SVEP1: variants seen among roughly 807,000 people sequenced by gnomAD.
SVEP1 encodes the protein sushi, von Willebrand factor type A, EGF and pentraxin domain containing 1.
SVEP1 carries 164 observed loss-of-function variants against 367.3 expected under a neutral mutation model. The ratio of observed to expected loss-of-function variants is 0.45; its 90% CI spans 0.39 to 0.51. SVEP1 has a LOEUF of 0.51. SVEP1 is among the 20% of genes least tolerant of loss of function. SVEP1 has a pLI of 0.00. For missense variants in SVEP1, 4,117 were observed against 4,425.3 expected (o/e 0.93, Z 1.98); for synonymous variants, 1,666 against 1,611.6 (o/e 1.03, Z -0.81).
At chr9:110,469,169 C>T in intron 16 of SVEP1, 68 bp from the exon 17 acceptor site, 1 of 1,466,204 alleles carries the variant, frequency 6.8e-7, no homozygotes, top group South Asian at 1.4e-5. Flanking sequence ...CTTTTTTTTC[C>T]TAAGACATGA....
Position 110,459,025 on chromosome 9 carries a change from C to G in SVEP1, c.3411G>C (p.Lys1137Asn), listed in dbSNP as rs770776076. The change falls in exon 19 of 48, where the codon AAG becomes AAC. Residue 1137 changes from lysine to asparagine, a missense_variant. Transcript: ENST00000374469. Reference sequence around the variant, plus strand: ...AAAAGGGACAGGCCAGGCAGAAGGCCTTCCCTGCATTAGGTTGGTAATAGT... The same window carrying G: ...AAAAGGGACAGGCCAGGCAGAAGGCGTTCCCTGCATTAGGTTGGTAATAGT... ...PRDYYQPNAG[K>N]AFCLACPFYG... 1.9e-6 allele frequency: 3 copies of G among 1,613,862 alleles called. No homozygotes were observed. The highest frequency in any genetic ancestry group is 4.5e-5 in the East Asian group (2 of 44,876).
chr9:110,393,983 C>T lies in SVEP1; in HGVS notation c.9823-4396G>A, dbSNP rs1053893651. ...CAGTAACTCTGAAGACTTAAATGTC[C>T]CTGTCTGACAGCTTTGAAGAGAATA... On this transcript the variant is annotated intron_variant, in intron 40 of 47. Coordinates refer to ENST00000374469, the MANE Select transcript of SVEP1 (RefSeq NM_153366.4). Among the ~76,000 whole-genome samples the T allele has an allele frequency of 5.3e-5, 8 of 152,302 alleles. No homozygotes were observed. The East Asian group carries it at 1.6e-3, about 30-fold the overall frequency.
In SVEP1 at chr9:110,476,187, C is replaced by G; in HGVS notation, c.2599+17G>C. 6.6e-7 allele frequency: 1 copy of G among 1,524,522 alleles called. No individual in the cohort carries two copies. Among genetic ancestry groups the G allele is most frequent in the Non-Finnish European group, 9.1e-7 (1 of 1,100,200 alleles). The allele number at this position is 1,524,522 out of a possible 1,614,324, so 94.4% of individuals were successfully genotyped here. A position where few individuals can be genotyped will look rare whatever the true frequency, so the allele number is the denominator to read the frequency against. On this transcript the variant is annotated intron_variant, in intron 14 of 47. Transcript: ENST00000374469. ...AGATTAGTCTTGCCAACTACCGATG[C>G]CACAGAATTTAATTACCAATTGCAA...
chr9:110,527,227 G>A (rs1829950371), intron 3 of SVEP1, among the ~76,000 whole-genome samples: 1 of 151,836 alleles, frequency 6.6e-6, no homozygotes, highest in Non-Finnish European at 1.5e-5. Context: ...AGGATATAGA[G>A]GATCTCTGTA....
chr9:110,375,481 A>AAAG lies in SVEP1; in HGVS notation c.10505-19_10505-18insCTT. On this transcript the variant is annotated intron_variant, in intron 45 of 47. Coordinates refer to ENST00000374469, the MANE Select transcript of SVEP1 (RefSeq NM_153366.4). ...GCAGATTGCTAAAAAAAAAAAAAAAAAAAAAAAAAGGAGGCAGGGGGGATT... is the reference window on the plus strand; with the variant it reads ...GCAGATTGCTAAAAAAAAAAAAAAAAAAGAAAAAAAAAGGAGGCAGGGGGGATT... 6.6e-7 allele frequency: 1 copy of AAAG among 1,515,720 alleles called. No homozygotes were observed. The highest frequency in any genetic ancestry group is 1.3e-5 in the South Asian group (1 of 79,012). 93.9% of individuals were successfully genotyped at this position (1,515,720 alleles called of 1,614,324 possible).
At chr9:110,387,874 A>ATAAATAACAAATACATT (rs1827550397) in intron 41 of SVEP1, among the ~76,000 whole-genome samples, 1 of 152,250 alleles carries the variant, frequency 6.6e-6, no homozygotes, top group South Asian at 2.1e-4. Context: ...TCAGTATCAG[A>ATAAATAACAAATACATT]TAAATAACAA....
intron 9 of SVEP1, among the ~76,000 whole-genome samples, chr9:110,485,359 A>C (rs772304903): frequency 1.4e-4 from 21 of 152,178 alleles, no homozygotes; most frequent in Non-Finnish European, 2.6e-4. Flanking sequence ...GTATGTTCTC[A>C]CTTATAAGTG....
intron 3 of SVEP1, among the ~76,000 whole-genome samples, chr9:110,535,335 G>A (rs1271414965): frequency 6.6e-6 from 1 of 152,066 alleles, no homozygotes; most frequent in Non-Finnish European, 1.5e-5. Context: ...GTAGGTGTGT[G>A]ACCTTATTTC....
intron 1 of SVEP1, among the ~76,000 whole-genome samples, chr9:110,558,236 G>A (rs1373085945): frequency 1.3e-5 from 2 of 150,406 alleles, no homozygotes; most frequent in Admixed American, 1.3e-4. Flanking sequence ...GCCCGGTGCT[G>A]TGGCTCACAC....
In SVEP1 at chr9:110,512,982, C is replaced by T; in HGVS notation, c.1247G>A (p.Ser416Asn). The change falls in exon 5 of 48, where the codon AGC (serine) becomes AAC (asparagine). Residue 416 changes from serine (S) to asparagine (N), a missense_variant. Ser to Asn is a conservative substitution (Grantham distance 46). This residue lies in a region of SVEP1 where 2,174 missense variants were observed against 2,494.3 expected (regional missense o/e 0.87). Transcript: ENST00000374469. ...ACCATTGGGTAGACATAAGATGATG[C>T]TGCTTCCCACAAGATCAAATCCAGG... Reference protein sequence around the residue: ...CHPGFDLVGSSIILCLPNGLW... With the variant: ...CHPGFDLVGSNIILCLPNGLW... 1 of 1,614,006 alleles carries T rather than the reference C, an allele frequency of 6.2e-7. No homozygotes were observed. Among genetic ancestry groups the T allele is most frequent in the South Asian group, 1.1e-5 (1 of 91,084 alleles).
chr9:110,378,883 T>C (rs1238548439), intron 44 of SVEP1, among the ~76,000 whole-genome samples: 1 of 150,558 alleles, frequency 6.6e-6, no homozygotes, highest in Non-Finnish European at 1.5e-5. Context: ...GCATGTTGTG[T>C]GCATGTACCC....
At chr9:110,483,936 T>C (rs944204401) in intron 9 of SVEP1, among the ~76,000 whole-genome samples, 12 of 152,190 alleles carry the variant, frequency 7.9e-5, no homozygotes, top group Non-Finnish European at 1.5e-5. Flanking sequence ...AAAATCACCT[T>C]GGTCACAAGT....
Position 110,472,141 on chromosome 9 carries a change from TAGAC to T in SVEP1, c.2764+14_2764+17del, listed in dbSNP as rs769625569. On this transcript the variant is annotated intron_variant, in intron 15 of 47. Transcript: ENST00000374469. ...TTTTCCATTATATTGCTTTTTCAAATAGACAGTTTATCCTTACCTGTGATGTTAA... is the reference window on the plus strand; with the variant it reads ...TTTTCCATTATATTGCTTTTTCAAATAGTTTATCCTTACCTGTGATGTTAA... The T allele has an allele frequency of 2.5e-6, 4 of 1,591,842 alleles. No homozygotes were observed. Among genetic ancestry groups the T allele is most frequent in the Middle Eastern group, 3.3e-4 (2 of 6,018 alleles).
chr9:110,485,181 A>G (rs1829257191), intron 9 of SVEP1, among the ~76,000 whole-genome samples: 2 of 152,204 alleles, frequency 1.3e-5, no homozygotes, highest in African/African-American at 4.8e-5. Flanking sequence ...CATGGAATCA[A>G]CCCAAATGCC....
intron 12 of SVEP1, 35 bp downstream of exon 12, chr9:110,481,207 A>G (rs1829181289): frequency 7.3e-7 from 1 of 1,376,744 alleles, no homozygotes; most frequent in African/African-American, 1.5e-5. Flanking sequence ...ACATTCACAC[A>G]CATTAAAGAA....
At position 110,476,404 on chromosome 9, in the gene SVEP1, C is replaced by T; in HGVS notation, c.2488-89G>A. On this transcript the variant is annotated intron_variant, in intron 13 of 47. Coordinates refer to ENST00000374469, the MANE Select transcript of SVEP1 (RefSeq NM_153366.4). ...TTTGCTCCCCTGGCCTTCACGTCTC[C>T]ATCAGCAGGAGGGAAGGGAGGGCCC... 5.2e-6 allele frequency: 5 copies of T among 958,154 alleles called. No homozygotes were observed. In the Middle Eastern group the frequency reaches 1.1e-3, roughly 201 times the overall value. The allele number at this position is 958,154 out of a possible 1,614,324, so 59.4% of individuals were successfully genotyped here.
At position 110,549,847 on chromosome 9, in the gene SVEP1, AC is replaced by A; in HGVS notation, c.787+1del. ...TTTGTGATGCCATTAGGTTTCCATT[AC>A]CTTCATGCAATGCCCGGCGAGCTAA... is the stretch of plus-strand genomic sequence containing the variant. On this transcript the variant is annotated splice_donor_variant, in intron 2 of 47. Transcript: ENST00000374469. LOFTEE classifies it high-confidence loss of function. 1.9e-6 allele frequency: 3 copies of A among 1,613,528 alleles called. No homozygotes were observed. Among genetic ancestry groups the A allele is most frequent in the Non-Finnish European group, 2.5e-6 (3 of 1,179,636 alleles).
At chr9:110,439,977 T>C (rs1033236353) in intron 27 of SVEP1, among the ~76,000 whole-genome samples, 2 of 152,204 alleles carry the variant, frequency 1.3e-5, no homozygotes, top group African/African-American at 4.8e-5. Flanking sequence ...AGAAAATAAA[T>C]ATACGTTCAT....
intron 29 of SVEP1, 138 bp from the exon 30 acceptor site, chr9:110,434,644 G>C: frequency 9.3e-6 from 1 of 107,310 alleles, no homozygotes; most frequent in Non-Finnish European, 1.5e-5. Context: ...CATGTAACCA[G>C]ATCACTGGCA....
Sources: gnomAD v4.1 joint callset for allele counts (sites outside exome capture counted in the v4.1 genomes callset) on GRCh38, gnomAD v4.1.1 for gene constraint, gnomAD v4.1.1 regional missense constraint, MANE v1.5 for transcripts, NCBI Gene and HGNC (gene_info 2026-07-23, HGNC 2026-07-21) for gene names.